Variants in SLC35A5 observed in about 807,000 individuals in gnomAD.
SLC35A5 encodes the protein solute carrier family 35 member A5.
Under a neutral mutation model 36.3 loss-of-function variants are expected in SLC35A5, and 28 were observed. The observed-to-expected ratio is 0.77, with a 90% CI of 0.57 to 1.06. SLC35A5 has a LOEUF of 1.06. Ranked by LOEUF, SLC35A5 falls within the 50% of genes least tolerant of loss-of-function variation. SLC35A5 has a pLI of 0.00. For missense variants in SLC35A5, 521 were observed against 499.3 expected, an observed-to-expected ratio of 1.04 and a Z score of -0.41; for synonymous variants, 180 against 173.7, an observed-to-expected ratio of 1.04 and a Z score of -0.29.
rs570345289 is a variant in SLC35A5 at position 112,584,072 on chromosome 3, A to G, written c.*1336A>G. ...GCAGATGAATATAAGGTAATATACT[A>G]TTATATAATTCATTTGTGATATCCA... is the stretch of plus-strand genomic sequence containing the variant. On this transcript the variant is annotated 3_prime_UTR_variant, in exon 7 of 7. Transcript: ENST00000492406. 6.6e-6 allele frequency: 1 copy of G among 152,170 alleles called. No individual in the cohort carries two copies. Among genetic ancestry groups the G allele is most frequent in the East Asian group, 1.9e-4 (1 of 5,194 alleles). The allele number at this position is 152,170 out of a possible 1,614,324, so 9.4% of individuals were successfully genotyped here. A position where few individuals can be genotyped will look rare whatever the true frequency, so the allele number is the denominator to read the frequency against.
intron 2 of SLC35A5, 41 bp from the exon 3 acceptor site, chr3:112,569,130 A>G (rs374787814): frequency 2.0e-6 from 3 of 1,470,468 alleles, no homozygotes; most frequent in Non-Finnish European, 2.8e-6. Context: ...ACATACATGG[A>G]ATAAAATATA....
chr3:112,581,465 A>G (rs1466426981), intron 6 of SLC35A5, 139 bp downstream of exon 6: 7 of 899,800 alleles, frequency 7.8e-6, no homozygotes, highest in South Asian at 5.5e-5. Context: ...ATCAACAAAC[A>G]TTCCTTTTAC....
intron 4 of SLC35A5, 139 bp from the exon 5 acceptor site, chr3:112,573,750 C>A: frequency 1.5e-6 from 1 of 664,164 alleles, no homozygotes; most frequent in Non-Finnish European, 2.7e-6. Context: ...GAATTTAATC[C>A]TTAGTTGAAA....
intron 5 of SLC35A5, among the ~76,000 whole-genome samples, chr3:112,579,490 G>A (rs116859785): frequency 2.0e-5 from 3 of 151,518 alleles, no homozygotes; most frequent in East Asian, 1.9e-4. Context: ...TCCTGACAAC[G>A]CCAATGAAAG....
intron 1 of SLC35A5, among the ~76,000 whole-genome samples, chr3:112,562,552 G>A (rs1933969346): frequency 6.6e-6 from 1 of 152,190 alleles, no homozygotes; most frequent in Non-Finnish European, 1.5e-5. Flanking sequence ...AGTGTCCTCA[G>A]CCTATCAAAA....
At chr3:112,564,979 C>T (rs1343832815) in intron 2 of SLC35A5, among the ~76,000 whole-genome samples, 1 of 152,170 alleles carries the variant, frequency 6.6e-6, no homozygotes, top group Non-Finnish European at 1.5e-5. Flanking sequence ...TACACAGACA[C>T]AGTAACAATC....
At chr3:112,575,519 C>A (rs1020576427) in intron 5 of SLC35A5, among the ~76,000 whole-genome samples, 9 of 151,824 alleles carry the variant, frequency 5.9e-5, no homozygotes, top group Admixed American at 5.9e-4. Flanking sequence ...TAAATATTTG[C>A]TTTTAATACT....
At chr3:112,575,758 CTT>C (rs36050657) in intron 5 of SLC35A5, among the ~76,000 whole-genome samples, 225 of 128,152 alleles carry the variant, frequency 1.8e-3, no homozygotes, top group African/African-American at 5.7e-3. Flanking sequence ...TATTTTATTA[CTT>C]TTTTTTTTTT....
At chr3:112,568,264 G>C (rs547241126) in intron 2 of SLC35A5, among the ~76,000 whole-genome samples, 1 of 152,342 alleles carries the variant, frequency 6.6e-6, no homozygotes, top group South Asian at 2.1e-4. Flanking sequence ...GTTCTGGATA[G>C]ACAGTGTCCA....
Position 112,581,084 on chromosome 3 carries a change from A to G in SLC35A5, c.967A>G (p.Ile323Val), listed in dbSNP as rs376720159. 34 of 1,613,814 alleles carry G rather than the reference A, an allele frequency of 2.1e-5. No homozygotes were observed. The African/African-American group carries it at 4.4e-4, about 21-fold the overall frequency. Residue 323 changes from isoleucine to valine, a missense_variant, in exon 6 of 7, where the codon ATT becomes GTT. Physicochemically the swap from Ile to Val is conservative, Grantham distance 29. Transcript: ENST00000492406. The part of the protein sequence containing the change: ...TAFQGLSVAF[I>V]LKFLDNMFHV... ...ATTCCAGGGCCTTTCAGTGGCTTTC[A>G]TTCTGAAGTTCCTGGATAACATGTT...
At chr3:112,580,024 C>T (rs180692612) in intron 5 of SLC35A5, among the ~76,000 whole-genome samples, 4 of 152,330 alleles carry the variant, frequency 2.6e-5, no homozygotes, top group East Asian at 1.9e-4. Context: ...TAATGCTCTA[C>T]GATTAGGACA....
chr3:112,581,458 A>T (rs1934923348), intron 6 of SLC35A5, 132 bp downstream of exon 6: 1 of 928,930 alleles, frequency 1.1e-6, no homozygotes, highest in African/African-American at 1.7e-5. Flanking sequence ...AAACCGAATC[A>T]ACAAACATTC....
At chr3:112,574,686 A>T (rs954057543) in intron 5 of SLC35A5, among the ~76,000 whole-genome samples, 1 of 151,998 alleles carries the variant, frequency 6.6e-6, no homozygotes, top group Non-Finnish European at 1.5e-5. Flanking sequence ...TAAATTTTAC[A>T]TTATCTTTTT....
At chr3:112,561,574 C>T (rs777345768), upstream of SLC35A5, 13 of 1,579,032 alleles carry the variant, frequency 8.2e-6, no homozygotes, top group Admixed American at 6.9e-5. Flanking sequence ...ATGGAAAGTG[C>T]AGCCGTGTCA....
chr3:112,563,319 G>T (rs1310217725), intron 1 of SLC35A5, 66 bp from the exon 2 acceptor site: 3 of 1,342,812 alleles, frequency 2.2e-6, no homozygotes, highest in East Asian at 2.7e-5. Flanking sequence ...TTGTCCTCAC[G>T]ATCAATGGTA....
At chr3:112,575,194 A>G (rs1934612350) in intron 5 of SLC35A5, among the ~76,000 whole-genome samples, 1 of 152,216 alleles carries the variant, frequency 6.6e-6, no homozygotes, top group African/African-American at 2.4e-5. Flanking sequence ...CCAAGATGAT[A>G]AAAGGATCAC....
At chr3:112,570,179 TGG>T (rs373511286) in intron 3 of SLC35A5, among the ~76,000 whole-genome samples, 1 of 150,766 alleles carries the variant, frequency 6.6e-6, no homozygotes, top group Non-Finnish European at 1.5e-5. Flanking sequence ...TGATTTGCCC[TGG>T]GGGGCAAAAA....
chr3:112,570,497 G>A, intron 3 of SLC35A5, 43 bp from the exon 4 acceptor site: 1 of 1,562,460 alleles, frequency 6.4e-7, no homozygotes, highest in Non-Finnish European at 8.6e-7. Context: ...CTAAAAATGT[G>A]GGCATTCTCA....
rs1935082208 is a variant in SLC35A5 at position 112,584,789 on chromosome 3, A to G, written c.*2053A>G. On this transcript the variant is annotated 3_prime_UTR_variant, in exon 7 of 7. Coordinates refer to ENST00000492406, the MANE Select transcript of SLC35A5 (RefSeq NM_017945.5). ...AGTAACAAAATCATGGACTCAACCTAAGTGTCCATCAGTGGTGCCTGGAAT... is the reference window on the plus strand; with the variant it reads ...AGTAACAAAATCATGGACTCAACCTGAGTGTCCATCAGTGGTGCCTGGAAT... 6.6e-6 allele frequency: 1 copy of G among 152,182 alleles called. No homozygotes were observed. The highest frequency in any genetic ancestry group is 2.4e-5 in the African/African-American group (1 of 41,448). The allele number at this position is 152,182 out of a possible 1,614,324, so 9.4% of individuals were successfully genotyped here.
Sources: allele counts gnomAD v4.1 joint callset (sites outside exome capture counted in the v4.1 genomes callset), GRCh38; gene constraint gnomAD v4.1.1; transcripts MANE v1.5; gene names NCBI Gene and HGNC (gene_info 2026-07-23, HGNC 2026-07-21).